The following TEN1 variants were observed in gnomAD, a reference collection of about 807,000 sequenced individuals.
The protein encoded by TEN1 is CST complex subunit TEN1.
Under a neutral mutation model 9.3 loss-of-function variants are expected in TEN1, and 6 were observed. The observed-to-expected ratio is 0.65, with a 90% CI of 0.35 to 1.27. The LOEUF (loss-of-function observed/expected upper bound fraction) is 1.27. Among genes scored for constraint, TEN1 ranks in the 50% most tolerant of loss-of-function variants. The probability of loss-of-function intolerance (pLI) is 0.03; values close to 1 mark genes in which losing one functional copy is unlikely to be tolerated. For synonymous variants in TEN1, 65 were observed against 65.6 expected (o/e 0.99, Z 0.04); for missense variants, 149 against 158.2 (o/e 0.94, Z 0.31).
intron 2 of TEN1, among the ~76,000 whole-genome samples, chr17:75,987,916 CAAAAAAA>C (rs34957837): frequency 5.9e-5 from 3 of 51,232 alleles, no homozygotes; most frequent in Non-Finnish European, 1.1e-4. Context: ...GACTCCATCT[CAAAAAAA>C]AAAAAAAAAA....
intron 1 of TEN1, among the ~76,000 whole-genome samples, chr17:75,984,291 CATT>C (rs1567895381): frequency 6.6e-6 from 1 of 152,162 alleles, no homozygotes; most frequent in Non-Finnish European, 1.5e-5. Flanking sequence ...TCTTTTTGCT[CATT>C]GTTGGCCATT....
intron 3 of TEN1, among the ~76,000 whole-genome samples, chr17:75,993,752 T>G (rs1184736289): frequency 6.6e-6 from 1 of 151,944 alleles, no homozygotes; most frequent in Non-Finnish European, 1.5e-5. Context: ...ATCCCAGCAC[T>G]TTGGGAGGCC....
rs570574935 is a variant in TEN1 at position 76,000,343 on chromosome 17, G to A, written c.*81G>A. 332 of 1,463,268 alleles carry A rather than the reference G, an allele frequency of 2.3e-4. 1 individual carries two copies. Among genetic ancestry groups the A allele is most frequent in the South Asian group, 1.2e-3 (84 of 72,734 alleles). The allele number at this position is 1,463,268 out of a possible 1,614,324, so 90.6% of individuals were successfully genotyped here. On this transcript the variant is annotated 3_prime_UTR_variant, in exon 4 of 4. Coordinates refer to ENST00000397640, the MANE Select transcript of TEN1 (RefSeq NM_001113324.3). The surrounding 1 kb of genome is among the most constrained non-coding windows in gnomAD (Gnocchi z 5.9). ...TGCAGGAGCCCGGGAGAGCACAGAC[G>A]CCTCCCCAGCGACGGCCTTGTCTGG...
chr17:75,983,524 A>G (rs1423886617), intron 1 of TEN1, among the ~76,000 whole-genome samples: 1 of 152,170 alleles, frequency 6.6e-6, no homozygotes, highest in Non-Finnish European at 1.5e-5. Context: ...GTGTTTTCAT[A>G]GCCTATGCCA....
At chr17:75,989,226 A>G (rs544299567) in intron 2 of TEN1, among the ~76,000 whole-genome samples, 3 of 151,086 alleles carry the variant, frequency 2.0e-5, no homozygotes, top group Non-Finnish European at 2.9e-5. Flanking sequence ...CAGCCTCCCA[A>G]GTAGCTGGGA....
At chr17:75,981,652 G>A (rs572238081) in intron 1 of TEN1, among the ~76,000 whole-genome samples, 5 of 139,184 alleles carry the variant, frequency 3.6e-5, no homozygotes, top group South Asian at 2.6e-4. Context: ...ATTCTCCCCC[G>A]AGCCTAGCCA....
Position 76,000,324 on chromosome 17 carries a change from A to G in TEN1, c.*62A>G. The G allele has an allele frequency of 6.6e-7, 1 of 1,507,936 alleles. No individual in the cohort carries two copies. The highest frequency in any genetic ancestry group is 1.3e-5 in the South Asian group (1 of 78,908). The allele number at this position is 1,507,936 out of a possible 1,614,324, so 93.4% of individuals were successfully genotyped here. A position where few individuals can be genotyped will look rare whatever the true frequency, so the allele number is the denominator to read the frequency against. On this transcript the variant is annotated 3_prime_UTR_variant, in exon 4 of 4. Coordinates refer to ENST00000397640, the MANE Select transcript of TEN1 (RefSeq NM_001113324.3). This position sits in a 1 kb window ranked among gnomAD's most constrained non-coding sequence, Gnocchi z 5.9. ...AGCCCGAACCCTCTGGAGCTGCAGGAGCCCGGGAGAGCACAGACGCCTCCC... is the reference window on the plus strand; with the variant it reads ...AGCCCGAACCCTCTGGAGCTGCAGGGGCCCGGGAGAGCACAGACGCCTCCC...
chr17:75,986,645 G>A (rs560444550), intron 2 of TEN1, among the ~76,000 whole-genome samples: 119 of 152,038 alleles, frequency 7.8e-4, no homozygotes, highest in African/African-American at 2.6e-3. Context: ...AGGTTGTAGC[G>A]AGCCGAAATC....
At chr17:75,990,973 A>T (rs2066180828) in intron 2 of TEN1, among the ~76,000 whole-genome samples, 1 of 151,444 alleles carries the variant, frequency 6.6e-6, no homozygotes, top group Non-Finnish European at 1.5e-5. Flanking sequence ...AATATGGTAA[A>T]ACCCCTTCTC....
chr17:75,994,733 C>T (rs919593333), intron 3 of TEN1, among the ~76,000 whole-genome samples: 2 of 152,054 alleles, frequency 1.3e-5, no homozygotes, highest in African/African-American at 4.8e-5. Flanking sequence ...GCCTCAGCTT[C>T]CCAAAGTGCT....
At chr17:75,983,910 T>C (rs186927534) in intron 1 of TEN1, among the ~76,000 whole-genome samples, 2 of 152,176 alleles carry the variant, frequency 1.3e-5, no homozygotes, top group East Asian at 3.9e-4. Flanking sequence ...AAGGCCAATC[T>C]TAGGTTCTGC....
At position 76,000,014 on chromosome 17, in the gene TEN1, T is replaced by G; in HGVS notation, c.251-127T>G. 1 of 1,417,392 alleles carries G rather than the reference T, an allele frequency of 7.1e-7. No individual in the cohort carries two copies. Among genetic ancestry groups the G allele is most frequent in the South Asian group, 1.4e-5 (1 of 69,870 alleles). The allele number at this position is 1,417,392 out of a possible 1,614,324, so 87.8% of individuals were successfully genotyped here. A position where few individuals can be genotyped will look rare whatever the true frequency, so the allele number is the denominator to read the frequency against. ...CAGTTGCCTTTGCCCCATATGCTGTTATTGTCCACATCACTTGCTGCCAAA... is the reference window on the plus strand; with the variant it reads ...CAGTTGCCTTTGCCCCATATGCTGTGATTGTCCACATCACTTGCTGCCAAA... On this transcript the variant is annotated intron_variant, in intron 3 of 3. Coordinates refer to ENST00000397640, the MANE Select transcript of TEN1 (RefSeq NM_001113324.3). The surrounding 1 kb of genome is among the most constrained non-coding windows in gnomAD (Gnocchi z 5.9).
rs995552637 is a variant in TEN1, at chr17:75,981,647, C to A, written c.-7+2136C>A. Among the ~76,000 whole-genome samples the A allele has an allele frequency of 5.3e-5, 8 of 150,108 alleles. No homozygotes were observed. The East Asian group carries it at 1.4e-3, about 26-fold the overall frequency. On this transcript the variant is annotated intron_variant, in intron 1 of 3. Transcript: ENST00000397640. ...TCCTCCTCTCCCTCAGGTGCATTCT[C>A]CCCCGAGCCTAGCCAGAGAAGTTAG...
At chr17:75,989,937 G>T (rs1269129509) in intron 2 of TEN1, among the ~76,000 whole-genome samples, 1 of 150,300 alleles carries the variant, frequency 6.7e-6, no homozygotes, top group African/African-American at 2.5e-5. Flanking sequence ...TATAGAGACG[G>T]CATCTCGCTG....
At chr17:75,997,982 G>A (rs531369012) in intron 3 of TEN1, among the ~76,000 whole-genome samples, 58 of 151,878 alleles carry the variant, frequency 3.8e-4, no homozygotes, top group Non-Finnish European at 7.4e-4. Context: ...CTCCCTAGTA[G>A]CTGGGATTAC....
At chr17:75,991,410 G>A (rs777161653) in intron 2 of TEN1, 56 bp from the exon 3 acceptor site, 14 of 1,530,276 alleles carry the variant, frequency 9.1e-6, no homozygotes, top group African/African-American at 2.8e-5. Context: ...AACCTTTTGA[G>A]CGTGGTGGTG....
At chr17:75,983,535 C>A (rs2066135322) in intron 1 of TEN1, among the ~76,000 whole-genome samples, 1 of 152,158 alleles carries the variant, frequency 6.6e-6, no homozygotes, top group Non-Finnish European at 1.5e-5. Context: ...GCCTATGCCA[C>A]CTCTATAACC....
intron 2 of TEN1, among the ~76,000 whole-genome samples, chr17:75,987,852 G>A (rs368063079): frequency 7.4e-5 from 11 of 148,824 alleles, no homozygotes; most frequent in African/African-American, 2.7e-4. Context: ...AGGAGGTGGA[G>A]GTTGCAGTGA....
intron 2 of TEN1, among the ~76,000 whole-genome samples, chr17:75,988,034 G>A (rs1381005741): frequency 6.6e-6 from 1 of 151,342 alleles, no homozygotes; most frequent in Non-Finnish European, 1.5e-5. Flanking sequence ...GAGGTCAGAA[G>A]TTCAAAACCA....
Sources: allele counts gnomAD v4.1 joint callset (sites outside exome capture counted in the v4.1 genomes callset), GRCh38; gene constraint gnomAD v4.1.1; non-coding constraint Gnocchi (gnomAD v3.1); transcripts MANE v1.5; gene names NCBI Gene and HGNC (gene_info 2026-07-23, HGNC 2026-07-21).